The following LAMTOR2 variants were observed in gnomAD, a reference collection of about 807,000 sequenced individuals.
LAMTOR2 encodes late endosomal/lysosomal adaptor, MAPK and MTOR activator 2.
In LAMTOR2, 4 loss-of-function variants were observed where a neutral mutation model predicts 15.8. The observed-to-expected ratio is 0.25, with a 90% CI of 0.12 to 0.58. The LOEUF (loss-of-function observed/expected upper bound fraction) is 0.58. Ranked by LOEUF, LAMTOR2 falls within the 20% of genes least tolerant of loss-of-function variation. LAMTOR2 has a pLI of 0.91. For synonymous variants in LAMTOR2, 62 were observed against 64.1 expected, an observed-to-expected ratio of 0.97 and a Z score of 0.15; for missense variants, 100 against 161.0, an observed-to-expected ratio of 0.62 and a Z score of 2.05.
chr1:156,058,458 G>A lies in LAMTOR2; in HGVS notation c.*87G>A. On this transcript the variant is annotated 3_prime_UTR_variant, in exon 4 of 4. Coordinates refer to ENST00000368305, the MANE Select transcript of LAMTOR2 (RefSeq NM_014017.4). Reference sequence around the variant, plus strand: ...TAGAAGAACCTTCTTAGACAATGGGGGGAGGATGGGACTTTGTTTTTTCCA... The same window carrying A: ...TAGAAGAACCTTCTTAGACAATGGGAGGAGGATGGGACTTTGTTTTTTCCA... The A allele has an allele frequency of 7.2e-7, 1 of 1,387,950 alleles. No individual in the cohort carries two copies. The highest frequency in any genetic ancestry group is 1.0e-6 in the Non-Finnish European group (1 of 977,082). The allele number at this position is 1,387,950 out of a possible 1,614,324, so 86.0% of individuals were successfully genotyped here. A position where few individuals can be genotyped will look rare whatever the true frequency, so the allele number is the denominator to read the frequency against.
In LAMTOR2 at chr1:156,055,522, G is replaced by A. The variant is rs1325600685; in HGVS notation, c.231+97G>A. ...TGGATGGTTGGAGGGGCAGGGACAGGATCTCCGGAAGATTACTAAGAGTTG... is the reference window on the plus strand; with the variant it reads ...TGGATGGTTGGAGGGGCAGGGACAGAATCTCCGGAAGATTACTAAGAGTTG... On this transcript the variant is annotated intron_variant, in intron 2 of 3. Coordinates refer to ENST00000368305, the MANE Select transcript of LAMTOR2 (RefSeq NM_014017.4). This position sits in a 1 kb window ranked among gnomAD's most constrained non-coding sequence, Gnocchi z 4.8. The A allele has an allele frequency of 7.2e-7, 1 of 1,391,102 alleles. No individual in the cohort carries two copies. The highest frequency in any genetic ancestry group is 1.0e-6 in the Non-Finnish European group (1 of 983,800). The allele number at this position is 1,391,102 out of a possible 1,614,324, so 86.2% of individuals were successfully genotyped here.
intron 2 of LAMTOR2, 125 bp from the exon 3 acceptor site, chr1:156,057,853 C>A: frequency 1.1e-6 from 1 of 916,312 alleles, no homozygotes; most frequent in Non-Finnish European, 1.7e-6. Flanking sequence ...TTCCGCTGAA[C>A]TTCCTGCTGT....
chr1:156,054,794 A>G lies in LAMTOR2; in HGVS notation c.-96A>G. The G allele has an allele frequency of 8.0e-7, 1 of 1,246,180 alleles. No homozygotes were observed. The highest frequency in any genetic ancestry group is 1.2e-6 in the Non-Finnish European group (1 of 862,092). The allele number at this position is 1,246,180 out of a possible 1,614,324, so 77.2% of individuals were successfully genotyped here. On this transcript the variant is annotated 5_prime_UTR_variant, in exon 1 of 4. Coordinates refer to ENST00000368305, the MANE Select transcript of LAMTOR2 (RefSeq NM_014017.4). ...AACTACAACTCCCAGGGCGTCCCGG[A>G]GCAGGCCAACGGGACTACGGGAAGC...
Position 156,055,692 on chromosome 1 carries a change from C to T in LAMTOR2, c.231+267C>T. 3.9e-6 allele frequency: 2 copies of T among 512,154 alleles called. No individual in the cohort carries two copies. Among genetic ancestry groups the T allele is most frequent in the Non-Finnish European group, 7.1e-6 (2 of 281,384 alleles). The allele number at this position is 512,154 out of a possible 1,614,324, so 31.7% of individuals were successfully genotyped here. On this transcript the variant is annotated intron_variant, in intron 2 of 3. Coordinates refer to ENST00000368305, the MANE Select transcript of LAMTOR2 (RefSeq NM_014017.4). This position sits in a 1 kb window ranked among gnomAD's most constrained non-coding sequence, Gnocchi z 4.8. ...GAACCTTGGGTAAGTCGCTTAACCT[C>T]TCTCAGCTTCCTTACCTCATGTTTA...
At chr1:156,056,856 A>T (rs17381371) in intron 2 of LAMTOR2, among the ~76,000 whole-genome samples, 1,929 of 152,156 alleles carry the variant, frequency 0.013, 19 homozygotes, top group Non-Finnish European at 0.02. Flanking sequence ...TAGCTTTCAA[A>T]CGTTTTGACC....
In LAMTOR2 at chr1:156,055,139, A is replaced by G; in HGVS notation, c.69-124A>G. 6.9e-7 allele frequency: 1 copy of G among 1,443,244 alleles called. No homozygotes were observed. Among genetic ancestry groups the G allele is most frequent in the Non-Finnish European group, 9.7e-7 (1 of 1,035,052 alleles). The allele number at this position is 1,443,244 out of a possible 1,614,324, so 89.4% of individuals were successfully genotyped here. A position where few individuals can be genotyped will look rare whatever the true frequency, so the allele number is the denominator to read the frequency against. On this transcript the variant is annotated intron_variant, in intron 1 of 3. Coordinates refer to ENST00000368305, the MANE Select transcript of LAMTOR2 (RefSeq NM_014017.4). This position sits in a 1 kb window ranked among gnomAD's most constrained non-coding sequence, Gnocchi z 4.8. ...AGCCGGTGTGCTGGGTGCTTAGGGC[A>G]TGTTCCGGGACACGCTCAGGCCAGA...
At position 156,058,356 on chromosome 1, in the gene LAMTOR2, A is replaced by C. The variant is rs1485814036; in HGVS notation, c.363A>C (p.Gln121His). Reference protein sequence around the residue: ...LVQYLEEPLTQVAAS With the variant: ...LVQYLEEPLTHVAAS ...AGTACCTGGAGGAGCCCCTCACCCA[A>C]GTGGCGGCATCTTAACGGCATTGGT... The change falls in exon 4 of 4, where the codon CAA (glutamine) becomes CAC (histidine). Residue 121 changes from glutamine to histidine, a missense_variant. Gln to His is a conservative substitution (Grantham distance 24). Transcript: ENST00000368305. 1 of 1,614,078 alleles carries C rather than the reference A, an allele frequency of 6.2e-7. No homozygotes were observed. Among genetic ancestry groups the C allele is most frequent in the Non-Finnish European group, 8.5e-7 (1 of 1,179,988 alleles).
rs1189182801 is a variant in LAMTOR2, at chr1:156,054,871, A to G, written c.-19A>G. On this transcript the variant is annotated 5_prime_UTR_variant, in exon 1 of 4. Coordinates refer to ENST00000368305, the MANE Select transcript of LAMTOR2 (RefSeq NM_014017.4). ...CTCGGAGATCTGGGTGCAAAAGCCC[A>G]GGGTTAGGAACCGTAGGCATGCTGC... 6.2e-7 allele frequency: 1 copy of G among 1,612,124 alleles called. No homozygotes were observed. The highest frequency in any genetic ancestry group is 2.2e-5 in the East Asian group (1 of 44,826).
chr1:156,057,671 G>A (rs1558094813), intron 2 of LAMTOR2, among the ~76,000 whole-genome samples: 1 of 152,164 alleles, frequency 6.6e-6, no homozygotes, highest in Non-Finnish European at 1.5e-5. Context: ...TGGCAGATAT[G>A]AAATTTCATG....
rs768338114 is a variant in LAMTOR2 at position 156,055,063 on chromosome 1, AGGGGGCAGC to A, written c.68+109_68+117del. ...TCACCAGGAAGGGAGGAAGCGGCAG[AGGGGGCAGC>A]GGCTGGGGATACCGGCCGGGAGGTC... On this transcript the variant is annotated intron_variant, in intron 1 of 3. Transcript: ENST00000368305. This position sits in a 1 kb window ranked among gnomAD's most constrained non-coding sequence, Gnocchi z 4.8. 663 of 1,418,388 alleles carry A rather than the reference AGGGGGCAGC, an allele frequency of 4.7e-4. No homozygotes were observed. The highest frequency in any genetic ancestry group is 5.7e-4 in the Non-Finnish European group (578 of 1,011,936). 87.9% of individuals were successfully genotyped at this position (1,418,388 alleles called of 1,614,324 possible).
chr1:156,055,471 C>T lies in LAMTOR2; in HGVS notation c.231+46C>T. 6.2e-7 allele frequency: 1 copy of T among 1,610,288 alleles called. No homozygotes were observed. Among genetic ancestry groups the T allele is most frequent in the Non-Finnish European group, 8.5e-7 (1 of 1,176,994 alleles). On this transcript the variant is annotated intron_variant, in intron 2 of 3. Transcript: ENST00000368305. This position sits in a 1 kb window ranked among gnomAD's most constrained non-coding sequence, Gnocchi z 4.8. ...CTTCCCCTGTCCCCCAAAGGGGATCCCAAGGGGGCGACCTGGACCCCATCC... is the reference window on the plus strand; with the variant it reads ...CTTCCCCTGTCCCCCAAAGGGGATCTCAAGGGGGCGACCTGGACCCCATCC...
chr1:156,056,796 G>A (rs1191815293), intron 2 of LAMTOR2, among the ~76,000 whole-genome samples: 1 of 152,146 alleles, frequency 6.6e-6, no homozygotes, highest in Non-Finnish European at 1.5e-5. Flanking sequence ...GCCATTTTTA[G>A]TTCAACATAT....
chr1:156,055,212 G>T lies in LAMTOR2; in HGVS notation c.69-51G>T. On this transcript the variant is annotated intron_variant, in intron 1 of 3. Transcript: ENST00000368305. This position sits in a 1 kb window ranked among gnomAD's most constrained non-coding sequence, Gnocchi z 4.8. ...TGGGACTTGGGATGGAAACCCAGAC[G>T]TTTTACTCCCCGCTCTGAGCACATC... 1 of 1,608,708 alleles carries T rather than the reference G, an allele frequency of 6.2e-7. No homozygotes were observed.
intron 2 of LAMTOR2, among the ~76,000 whole-genome samples, chr1:156,056,282 G>A (rs576754733): frequency 6.6e-6 from 1 of 152,260 alleles, no homozygotes; most frequent in African/African-American, 2.4e-5. Context: ...GATTACAGGC[G>A]TGAGTCACTG....
rs1023868386 is a variant in LAMTOR2 at position 156,055,066 on chromosome 1, G to C, written c.68+109G>C. 1.4e-6 allele frequency: 2 copies of C among 1,411,430 alleles called. No individual in the cohort carries two copies. The highest frequency in any genetic ancestry group is 2.0e-6 in the Non-Finnish European group (2 of 1,005,382). The allele number at this position is 1,411,430 out of a possible 1,614,324, so 87.4% of individuals were successfully genotyped here. A position where few individuals can be genotyped will look rare whatever the true frequency, so the allele number is the denominator to read the frequency against. ...CCAGGAAGGGAGGAAGCGGCAGAGG[G>C]GGCAGCGGCTGGGGATACCGGCCGG... is the stretch of plus-strand genomic sequence containing the variant. On this transcript the variant is annotated intron_variant, in intron 1 of 3. Transcript: ENST00000368305. The surrounding 1 kb of genome is among the most constrained non-coding windows in gnomAD (Gnocchi z 4.8).
At position 156,055,741 on chromosome 1, in the gene LAMTOR2, T is replaced by A. The variant is rs1647343634; in HGVS notation, c.231+316T>A. 2.5e-6 allele frequency: 1 copy of A among 402,182 alleles called. No homozygotes were observed. The allele number at this position is 402,182 out of a possible 1,614,324, so 24.9% of individuals were successfully genotyped here. On this transcript the variant is annotated intron_variant, in intron 2 of 3. Transcript: ENST00000368305. The surrounding 1 kb of genome is among the most constrained non-coding windows in gnomAD (Gnocchi z 4.8). ...TAAGGAGAAGACAATAATTTCCCTC[T>A]CCCCGCTCCCCTCATGGGTTGTTGT...
Position 156,055,244 on chromosome 1 carries a change from C to T in LAMTOR2, c.69-19C>T, listed in dbSNP as rs1366989178. On this transcript the variant is annotated intron_variant, in intron 1 of 3. Transcript: ENST00000368305. This position sits in a 1 kb window ranked among gnomAD's most constrained non-coding sequence, Gnocchi z 4.8. ...TCCCCGCTCTGAGCACATCGCTATC[C>T]CTCCCCGCCCCTCACCAGGCTGCTG... The T allele has an allele frequency of 6.2e-7, 1 of 1,613,240 alleles. No individual in the cohort carries two copies. Among genetic ancestry groups the T allele is most frequent in the South Asian group, 1.1e-5 (1 of 91,084 alleles).
Position 156,057,997 on chromosome 1 carries a change from C to T in LAMTOR2, c.251C>T (p.Thr84Ile). ...MDCMEGRVAI[T>I]RVANLLLCMY... The stretch of plus-strand genomic sequence containing the variant: ...CACCAGGAGGGCCGTGTAGCCATCA[C>T]CCGAGTGGCCAACCTTCTGCTGTGT... The change falls in exon 3 of 4, where the codon ACC becomes ATC. Residue 84 changes from threonine to isoleucine, a missense_variant. Physicochemically the swap from Thr to Ile is moderately conservative, Grantham distance 89. Coordinates refer to ENST00000368305, the MANE Select transcript of LAMTOR2 (RefSeq NM_014017.4). 6.2e-7 allele frequency: 1 copy of T among 1,614,168 alleles called. No homozygotes were observed. The highest frequency in any genetic ancestry group is 8.5e-7 in the Non-Finnish European group (1 of 1,180,020).
rs1572286659 is a variant in LAMTOR2, at chr1:156,055,028, T to C, written c.68+71T>C. 4.0e-6 allele frequency: 6 copies of C among 1,516,094 alleles called. No homozygotes were observed. In the South Asian group the frequency reaches 6.9e-5, roughly 17 times the overall value. The allele number at this position is 1,516,094 out of a possible 1,614,324, so 93.9% of individuals were successfully genotyped here. On this transcript the variant is annotated intron_variant, in intron 1 of 3. Transcript: ENST00000368305. The surrounding 1 kb of genome is among the most constrained non-coding windows in gnomAD (Gnocchi z 4.8). ...GGCGCGCGGCTCCCTGAGGGAGGGGTGGGGAAGGATCACCAGGAAGGGAGG... is the reference window on the plus strand; with the variant it reads ...GGCGCGCGGCTCCCTGAGGGAGGGGCGGGGAAGGATCACCAGGAAGGGAGG...
Sources: allele counts gnomAD v4.1 joint callset (sites outside exome capture counted in the v4.1 genomes callset), GRCh38; gene constraint gnomAD v4.1.1; non-coding constraint Gnocchi (gnomAD v3.1); transcripts MANE v1.5; gene names NCBI Gene and HGNC (gene_info 2026-07-23, HGNC 2026-07-21).